The following ADAMTSL1 variants were observed in gnomAD, a reference collection of about 807,000 sequenced individuals.
ADAMTSL1 encodes the protein ADAMTS like 1.
Under a neutral mutation model 201.8 loss-of-function variants are expected in ADAMTSL1, and 126 were observed. That is an observed-to-expected ratio of 0.62 (90% CI 0.54 to 0.72). ADAMTSL1 has a LOEUF of 0.72. ADAMTSL1 is among the 30% of genes least tolerant of loss of function. The probability of loss-of-function intolerance (pLI) is 0.00; values close to 1 mark genes in which losing one functional copy is unlikely to be tolerated. For synonymous variants in ADAMTSL1, 1,121 were observed against 903.4 expected, an observed-to-expected ratio of 1.24 and a Z score of -4.32; for missense variants, 2,679 against 2,277.8, an observed-to-expected ratio of 1.18 and a Z score of -3.59.
chr9:17,942,068 A>G (rs914847850), intron 1 of ADAMTSL1, among the ~76,000 whole-genome samples: 4 of 152,116 alleles, frequency 2.6e-5, no homozygotes, highest in African/African-American at 9.6e-5. Context: ...TACAAATATT[A>G]TATGATTCCA....
At chr9:18,308,987 A>G (rs1834014373) in intron 2 of ADAMTSL1, among the ~76,000 whole-genome samples, 1 of 152,190 alleles carries the variant, frequency 6.6e-6, no homozygotes, top group African/African-American at 2.4e-5. Context: ...CTTATCCACC[A>G]TGATCAAGTC....
intron 13 of ADAMTSL1, among the ~76,000 whole-genome samples, chr9:18,696,428 G>A (rs376010122): frequency 1.0e-3 from 158 of 152,296 alleles, no homozygotes; most frequent in South Asian, 3.9e-3. Context: ...GGAAAATGCC[G>A]TAAGATAACC....
At chr9:18,627,887 G>T (rs933962961) in intron 5 of ADAMTSL1, among the ~76,000 whole-genome samples, 3 of 152,112 alleles carry the variant, frequency 2.0e-5, no homozygotes, top group African/African-American at 7.2e-5. Flanking sequence ...AGTGTGCTTT[G>T]TTCATCTTTT....
intron 23 of ADAMTSL1, among the ~76,000 whole-genome samples, chr9:18,860,398 A>ATTTG (rs1336596450): frequency 1.3e-5 from 2 of 152,076 alleles, no homozygotes; most frequent in South Asian, 2.1e-4. Flanking sequence ...AGCCCCACCC[A>ATTTG]TTTGTTTATG....
At chr9:17,996,524 C>T (rs1442927833) in intron 1 of ADAMTSL1, among the ~76,000 whole-genome samples, 1 of 151,956 alleles carries the variant, frequency 6.6e-6, no homozygotes, top group Non-Finnish European at 1.5e-5. Flanking sequence ...AGAATTAATT[C>T]TTGGAGAACT....
intron 2 of ADAMTSL1, among the ~76,000 whole-genome samples, chr9:18,176,894 A>G (rs1002791737): frequency 2.4e-4 from 36 of 152,214 alleles, no homozygotes; most frequent in African/African-American, 8.2e-4. Flanking sequence ...AATCTTCAGA[A>G]ACAGCGCTTG....
Position 18,493,843 on chromosome 9 carries a change from G to A in ADAMTSL1, c.64-10986G>A, listed in dbSNP as rs531945165. 7.9e-5 allele frequency among the ~76,000 whole-genome samples: 12 copies of A among 152,252 alleles called. No individual in the cohort carries two copies. In the East Asian group the frequency reaches 2.3e-3, roughly 29 times the overall value. On this transcript the variant is annotated intron_variant, in intron 1 of 28. Coordinates refer to ENST00000380548, the MANE Select transcript of ADAMTSL1 (RefSeq NM_001040272.6). ...ATTCAACTGCAGTTTGTCCTAACCT[G>A]CCTTGTGTTAATCATTCATTTAATG...
At chr9:18,033,718 T>C (rs921472254) in intron 1 of ADAMTSL1, among the ~76,000 whole-genome samples, 4 of 152,244 alleles carry the variant, frequency 2.6e-5, no homozygotes, top group Non-Finnish European at 4.4e-5. Flanking sequence ...GCCCTCACCG[T>C]CTGCACGCTA....
intron 3 of ADAMTSL1, among the ~76,000 whole-genome samples, chr9:18,543,671 A>G: frequency 6.6e-6 from 1 of 151,894 alleles, no homozygotes; most frequent in African/African-American, 2.4e-5. Context: ...TTTTATGACT[A>G]ACTGTTTTAT....
At chr9:18,665,631 T>C (rs1461584617) in intron 9 of ADAMTSL1, among the ~76,000 whole-genome samples, 3 of 152,086 alleles carry the variant, frequency 2.0e-5, no homozygotes, top group Non-Finnish European at 4.4e-5. Context: ...TGTCTATTTT[T>C]TGGTTCTCAT....
At chr9:18,614,652 C>G (rs959060969) in intron 4 of ADAMTSL1, among the ~76,000 whole-genome samples, 1 of 152,096 alleles carries the variant, frequency 6.6e-6, no homozygotes, top group Admixed American at 6.6e-5. Flanking sequence ...CTACTCTCAC[C>G]TGTTCTGAGG....
chr9:18,082,380 G>A (rs528013095), intron 1 of ADAMTSL1, among the ~76,000 whole-genome samples: 1 of 152,184 alleles, frequency 6.6e-6, no homozygotes, highest in South Asian at 2.1e-4. Context: ...CGTGATCTCA[G>A]CTCTCACCGC....
At chr9:18,525,677 A>G (rs1170046784) in intron 2 of ADAMTSL1, among the ~76,000 whole-genome samples, 1 of 152,138 alleles carries the variant, frequency 6.6e-6, no homozygotes, top group African/African-American at 2.4e-5. Flanking sequence ...GAACATCTTT[A>G]TTTCTGCCTT....
intron 1 of ADAMTSL1, among the ~76,000 whole-genome samples, chr9:18,068,612 G>A (rs1241467902): frequency 6.6e-6 from 1 of 152,080 alleles, no homozygotes; most frequent in African/African-American, 2.4e-5. Flanking sequence ...AAAGGGAAAC[G>A]CAAACCAAGC....
At chr9:18,438,770 G>T (rs765942220) in intron 2 of ADAMTSL1, among the ~76,000 whole-genome samples, 4 of 152,210 alleles carry the variant, frequency 2.6e-5, no homozygotes, top group Non-Finnish European at 4.4e-5. Flanking sequence ...AGACGAGCCG[G>T]CGCAGAGTCT....
chr9:18,269,905 C>T (rs1000315498), intron 2 of ADAMTSL1, among the ~76,000 whole-genome samples: 1 of 150,976 alleles, frequency 6.6e-6, no homozygotes, highest in Non-Finnish European at 1.5e-5. Flanking sequence ...TCTGCTTTCC[C>T]ATGGGTGTGT....
chr9:17,931,173 A>G (rs1311425302), intron 1 of ADAMTSL1, among the ~76,000 whole-genome samples: 1 of 152,142 alleles, frequency 6.6e-6, no homozygotes, highest in Non-Finnish European at 1.5e-5. Context: ...ATGATACTGC[A>G]CTTTTATCTG....
intron 1 of ADAMTSL1, among the ~76,000 whole-genome samples, chr9:17,926,964 A>G (rs1029840053): frequency 6.6e-6 from 1 of 152,242 alleles, no homozygotes; most frequent in Non-Finnish European, 1.5e-5. Flanking sequence ...AGTGTGAAGT[A>G]CATTTATGTT....
chr9:18,853,918 T>TGTGTGTGTGTGTGTGC (rs139332733), intron 23 of ADAMTSL1, among the ~76,000 whole-genome samples: 98 of 145,476 alleles, frequency 6.7e-4, no homozygotes, highest in African/African-American at 1.6e-3. Flanking sequence ...TGTGTGTGTG[T>TGTGTGTGTGTGTGTGC]GCGCGTGCAT....
Sources: allele counts gnomAD v4.1 joint callset (sites outside exome capture counted in the v4.1 genomes callset), GRCh38; gene constraint gnomAD v4.1.1; transcripts MANE v1.5; gene names NCBI Gene and HGNC (gene_info 2026-07-23, HGNC 2026-07-21).